The following NTRK2 variants were observed in gnomAD, a reference collection of about 807,000 sequenced individuals.
The protein encoded by NTRK2 is BDNF/NT-3 growth factors receptor.
Under a neutral mutation model 94.5 loss-of-function variants are expected in NTRK2, and 13 were observed. The ratio of observed to expected loss-of-function variants is 0.14; its 90% CI spans 0.09 to 0.22. The LOEUF is 0.22. NTRK2 is among the 10% of genes least tolerant of loss of function. NTRK2 has a pLI of 1.00. For missense variants in NTRK2, 639 were observed against 1,071.2 expected (o/e 0.60, Z 5.63); for synonymous variants, 372 against 407.4 (o/e 0.91, Z 1.05).
intron 17 of NTRK2, among the ~76,000 whole-genome samples, chr9:84,973,099 A>C (rs756863859): frequency 1.3e-5 from 2 of 152,228 alleles, no homozygotes; most frequent in Non-Finnish European, 2.9e-5. Context: ...TTATGACATA[A>C]GTATTTAAAT....
At chr9:84,710,875 T>G in intron 6 of NTRK2, 84 bp downstream of exon 6, 1 of 1,338,246 alleles carries the variant, frequency 7.5e-7, no homozygotes, top group African/African-American at 1.4e-5. Context: ...AAATTACCAC[T>G]ACCTGGATTG....
chr9:84,861,160 C>T (rs902940212), intron 13 of NTRK2, 73 bp downstream of exon 13: 49 of 1,151,026 alleles, frequency 4.3e-5, no homozygotes, highest in Non-Finnish European at 5.6e-5. Flanking sequence ...AATGCTTAGA[C>T]CCTCTTTACA....
chr9:84,948,658 C>T, intron 16 of NTRK2, 24 bp downstream of exon 16: 1 of 1,612,586 alleles, frequency 6.2e-7, no homozygotes, highest in Non-Finnish European at 8.5e-7. Flanking sequence ...GGGAGGTGGG[C>T]TCCAGGAGGG....
intron 14 of NTRK2, among the ~76,000 whole-genome samples, chr9:84,928,352 T>G (rs2077895347): frequency 6.6e-6 from 1 of 152,258 alleles, no homozygotes; most frequent in African/African-American, 2.4e-5. Flanking sequence ...ATTTAACATT[T>G]ACATTCTGCT....
chr9:85,011,337 A>G (rs915795902), intron 17 of NTRK2, among the ~76,000 whole-genome samples: 1 of 152,190 alleles, frequency 6.6e-6, no homozygotes, highest in Admixed American at 6.5e-5. Flanking sequence ...TGCCAGAATC[A>G]GAAGGGAGGG....
chr9:84,812,800 C>G, intron 12 of NTRK2: 1 of 1,040,212 alleles, frequency 9.6e-7, no homozygotes, highest in Non-Finnish European at 1.2e-6. Flanking sequence ...TACCCAACAG[C>G]TAGAAGGATT....
chr9:84,886,084 A>G (rs2076404126), intron 14 of NTRK2, among the ~76,000 whole-genome samples: 4 of 152,200 alleles, frequency 2.6e-5, no homozygotes, highest in Admixed American at 2.0e-4. Context: ...GAACACCTGT[A>G]GATGGGAAAT....
intron 14 of NTRK2, among the ~76,000 whole-genome samples, chr9:84,922,195 G>A (rs1304319890): frequency 1.3e-5 from 2 of 152,168 alleles, no homozygotes; most frequent in East Asian, 1.9e-4. Flanking sequence ...ATGCGGACAC[G>A]TCTTCACTGA....
At chr9:84,820,865 A>G (rs1006108521) in intron 12 of NTRK2, among the ~76,000 whole-genome samples, 4 of 152,178 alleles carry the variant, frequency 2.6e-5, no homozygotes, top group Non-Finnish European at 1.5e-5. Context: ...ATAAGAGAAC[A>G]ATGGCTTAAA....
chr9:84,719,276 C>CA (rs1174381034), intron 6 of NTRK2, among the ~76,000 whole-genome samples: 1 of 151,844 alleles, frequency 6.6e-6, no homozygotes, highest in Non-Finnish European at 1.5e-5. Flanking sequence ...TAAATGAGGG[C>CA]AAAATACTTA....
chr9:84,714,586 G>A (rs552674149), intron 6 of NTRK2, among the ~76,000 whole-genome samples: 22 of 152,258 alleles, frequency 1.4e-4, no homozygotes, highest in African/African-American at 5.1e-4. Flanking sequence ...GTTCTTTCAG[G>A]AGAAGTTATA....
At chr9:84,848,228 A>G (rs2074568659) in intron 12 of NTRK2, among the ~76,000 whole-genome samples, 1 of 152,222 alleles carries the variant, frequency 6.6e-6, no homozygotes, top group Admixed American at 6.5e-5. Context: ...ATCTCCAAAT[A>G]TAGTCACACT....
chr9:84,751,648 T>C (rs1367697610), intron 11 of NTRK2, among the ~76,000 whole-genome samples: 1 of 152,182 alleles, frequency 6.6e-6, no homozygotes, highest in Non-Finnish European at 1.5e-5. Context: ...CTCTCTCCCT[T>C]TCTCTGCCCA....
At chr9:84,894,139 G>A (rs965231371) in intron 14 of NTRK2, among the ~76,000 whole-genome samples, 1 of 138,742 alleles carries the variant, frequency 7.2e-6, no homozygotes, top group Admixed American at 7.3e-5. Flanking sequence ...ACACTTGGGG[G>A]TGTTTGGGTG....
intron 9 of NTRK2, among the ~76,000 whole-genome samples, chr9:84,739,829 C>G (rs2063513963): frequency 2.6e-5 from 4 of 152,190 alleles, no homozygotes; most frequent in Admixed American, 2.6e-4. Flanking sequence ...CTCTTAGTTC[C>G]TGGCAGTCTG....
intron 12 of NTRK2, among the ~76,000 whole-genome samples, chr9:84,788,460 T>C (rs969078124): frequency 6.6e-5 from 10 of 152,192 alleles, no homozygotes; most frequent in Admixed American, 2.0e-4. Flanking sequence ...TGACATGTTG[T>C]GTCATCAATG....
intron 14 of NTRK2, among the ~76,000 whole-genome samples, chr9:84,921,590 C>T (rs946855609): frequency 6.6e-6 from 1 of 152,142 alleles, no homozygotes; most frequent in African/African-American, 2.4e-5. Context: ...TTTATACAGC[C>T]TTTGTCTTTC....
chr9:84,889,790 C>G (rs2076542468), intron 14 of NTRK2, among the ~76,000 whole-genome samples: 1 of 152,206 alleles, frequency 6.6e-6, no homozygotes, highest in Non-Finnish European at 1.5e-5. Flanking sequence ...TCAGTCTTCA[C>G]TAGGATTTAG....
At chr9:84,990,692 C>T (rs1220877921) in intron 17 of NTRK2, among the ~76,000 whole-genome samples, 4 of 152,174 alleles carry the variant, frequency 2.6e-5, no homozygotes, top group Non-Finnish European at 5.9e-5. Context: ...GAACTAAACA[C>T]CCCTTTGACA....
Sources: allele counts gnomAD v4.1 joint callset (sites outside exome capture counted in the v4.1 genomes callset), GRCh38; gene constraint gnomAD v4.1.1; transcripts MANE v1.5; gene names NCBI Gene and HGNC (gene_info 2026-07-23, HGNC 2026-07-21).